Variants in RBM41 observed in about 807,000 individuals in gnomAD.
RBM41 encodes RNA binding motif protein 41.
Under a neutral mutation model 30.8 loss-of-function variants are expected in RBM41, and 14 were observed. The observed-to-expected ratio is 0.45, with a 90% CI of 0.30 to 0.71. RBM41 has a LOEUF of 0.71. Among genes scored for constraint, RBM41 ranks in the 30% least tolerant of loss-of-function variants. The pLI is 0.08. For synonymous variants in RBM41, 120 were observed against 110.1 expected, an observed-to-expected ratio of 1.09 and a Z score of -0.56; for missense variants, 276 against 326.3, an observed-to-expected ratio of 0.85 and a Z score of 1.19.
At position 107,092,179 on chromosome X, in the gene RBM41, A is replaced by G. The variant is rs190807029; in HGVS notation, c.596-3340T>C. Reference sequence around the variant, plus strand: ...TGTAAGTATTTCCTAAGACACAAAAAGCACTAACCATTAAGGAAAAGATTG... The same window carrying G: ...TGTAAGTATTTCCTAAGACACAAAAGGCACTAACCATTAAGGAAAAGATTG... On this transcript the variant is annotated intron_variant, in intron 5 of 7. Coordinates refer to ENST00000685964, the MANE Select transcript of RBM41 (RefSeq NM_001324242.2). Among the ~76,000 whole-genome samples, 27 of 110,861 alleles carry G rather than the reference A, an allele frequency of 2.4e-4. No homozygotes were observed. In the East Asian group the frequency reaches 7.6e-3, roughly 31 times the overall value.
chrX:107,078,918 C>T (rs142853441), intron 6 of RBM41, among the ~76,000 whole-genome samples: 13 of 110,096 alleles, frequency 1.2e-4, no homozygotes, highest in Middle Eastern at 4.8e-3. Flanking sequence ...TGTCAAAGAA[C>T]AATAAAATAA....
Position 107,067,530 on chromosome X carries a change from G to C in RBM41, c.1311C>G (p.Ser437Arg), listed in dbSNP as rs1188968531. ...ATGSTTEISG[S>R] ...GGACCCACAATTTATATATATTCTAGCTACCACTAATTTCTGTAGTGCTAC... is the reference window on the plus strand; with the variant it reads ...GGACCCACAATTTATATATATTCTACCTACCACTAATTTCTGTAGTGCTAC... The change falls in exon 8 of 8, where the codon AGC becomes AGG. Residue 437 changes from serine to arginine, a missense_variant. Transcript: ENST00000685964. 1.7e-6 allele frequency: 2 copies of C among 1,201,456 alleles called. No homozygotes were observed. Among genetic ancestry groups the C allele is most frequent in the Non-Finnish European group, 2.2e-6 (2 of 890,373 alleles).
At chrX:107,109,864 T>G (rs905925481) in intron 5 of RBM41, among the ~76,000 whole-genome samples, 4 of 111,465 alleles carry the variant, frequency 3.6e-5, no homozygotes, top group Non-Finnish European at 7.6e-5. Context: ...ATTGACTGTT[T>G]GGTAGAGTGT....
chrX:107,087,682 T>C (rs1180759344), intron 6 of RBM41, among the ~76,000 whole-genome samples: 1 of 112,571 alleles, frequency 8.9e-6, no homozygotes, highest in Non-Finnish European at 1.9e-5. Flanking sequence ...CTCGGCTCAC[T>C]GCAACCTCCG....
intron 6 of RBM41, among the ~76,000 whole-genome samples, chrX:107,083,195 A>G (rs1602568737): frequency 9.2e-6 from 1 of 108,527 alleles, no homozygotes; most frequent in Non-Finnish European, 1.9e-5. Context: ...TGCTGGATAA[A>G]TTATTCTAAG....
At chrX:107,060,260 A>G (rs1257537450), downstream of RBM41, among the ~76,000 whole-genome samples, 1 of 110,866 alleles carries the variant, frequency 9.0e-6, no homozygotes, top group Non-Finnish European at 1.9e-5. Flanking sequence ...AGTGAAAAAA[A>G]AAAAAGAAAA....
Position 107,116,737 on chromosome X carries a change from T to A in RBM41, c.38A>T (p.His13Leu). The change falls in exon 2 of 8, where the codon CAT becomes CTT. Residue 13 changes from histidine (H) to leucine (L), a missense_variant. Physicochemically the swap from His to Leu is moderately conservative, Grantham distance 99. Transcript: ENST00000685964. ...TTCTGTTTCCAGCTCCTCCAGGACA[T>A]GCTCATCACTCTTCACACAGCTGTT... ...RVNSCVKSDE[H>L]VLEELETEGE... is the part of the protein sequence containing the mutation. 8.3e-7 allele frequency: 1 copy of A among 1,211,015 alleles called. No individual in the cohort carries two copies. Among genetic ancestry groups the A allele is most frequent in the Non-Finnish European group, 1.1e-6 (1 of 895,371 alleles).
At chrX:107,108,376 T>G (rs1278554769) in intron 5 of RBM41, among the ~76,000 whole-genome samples, 9 of 111,307 alleles carry the variant, frequency 8.1e-5, no homozygotes, top group Non-Finnish European at 1.7e-4. Context: ...TGACTCCCAT[T>G]GAATAAAGTT....
intron 6 of RBM41, among the ~76,000 whole-genome samples, chrX:107,087,204 A>C (rs1042675903): frequency 1.8e-5 from 2 of 111,656 alleles, no homozygotes; most frequent in African/African-American, 6.5e-5. Flanking sequence ...ATGATTAATA[A>C]AGGTTGGCTG....
intron 6 of RBM41, among the ~76,000 whole-genome samples, chrX:107,073,172 C>T (rs1277092594): frequency 1.8e-5 from 2 of 111,620 alleles, no homozygotes; most frequent in Non-Finnish European, 3.8e-5. Flanking sequence ...ATCTTCTGCA[C>T]ATCAAAGGAA....
chrX:107,059,901 C>T (rs1051206648), downstream of RBM41, among the ~76,000 whole-genome samples: 1 of 111,510 alleles, frequency 9.0e-6, no homozygotes, highest in African/African-American at 3.3e-5. Context: ...GACAACTCAA[C>T]ATCTAGTGCC....
At chrX:107,095,457 G>A (rs1266379136) in intron 5 of RBM41, among the ~76,000 whole-genome samples, 2 of 109,428 alleles carry the variant, frequency 1.8e-5, no homozygotes, top group African/African-American at 6.7e-5. Context: ...TTGGCCAGGC[G>A]TGGTGGCACA....
At chrX:107,087,762 C>T (rs1405697847) in intron 6 of RBM41, among the ~76,000 whole-genome samples, 3 of 111,364 alleles carry the variant, frequency 2.7e-5, no homozygotes, top group Non-Finnish European at 5.7e-5. Flanking sequence ...CACCACCGCG[C>T]CCAGCTAATT....
Position 107,065,628 on chromosome X carries a change from G to GT in RBM41, c.*1898dup, listed in dbSNP as rs1175516605. 30 of 609,142 alleles carry GT rather than the reference G, an allele frequency of 4.9e-5. No individual in the cohort carries two copies. The highest frequency in any genetic ancestry group is 6.8e-5 in the Non-Finnish European group (29 of 425,507). The allele number at this position is 609,142 out of a possible 1,213,427, so 50.2% of individuals were successfully genotyped here. A position where few individuals can be genotyped will look rare whatever the true frequency, so the allele number is the denominator to read the frequency against. On this transcript the variant is annotated 3_prime_UTR_variant, in exon 8 of 8. Coordinates refer to ENST00000685964, the MANE Select transcript of RBM41 (RefSeq NM_001324242.2). ...GAAGCTGAGAGAAGAGTAAGTATATGTTTATAGTTTTTTTATATTAAACTT... is the reference window on the plus strand; with the variant it reads ...GAAGCTGAGAGAAGAGTAAGTATATGTTTTATAGTTTTTTTATATTAAACTT...
At chrX:107,107,865 C>G (rs972752978) in intron 5 of RBM41, among the ~76,000 whole-genome samples, 2 of 110,611 alleles carry the variant, frequency 1.8e-5, no homozygotes, top group Admixed American at 9.6e-5. Context: ...GAGAGTTATG[C>G]GAGCCAGAAG....
intron 5 of RBM41, among the ~76,000 whole-genome samples, chrX:107,102,701 T>C (rs1178624806): frequency 9.0e-6 from 1 of 111,167 alleles, no homozygotes; most frequent in Non-Finnish European, 1.9e-5. Context: ...GCCACAGACA[T>C]AGAGGCCAGA....
At chrX:107,093,688 G>C (rs1188317931) in intron 5 of RBM41, among the ~76,000 whole-genome samples, 1 of 111,115 alleles carries the variant, frequency 9.0e-6, no homozygotes, top group East Asian at 2.8e-4. Flanking sequence ...TAGGAAACTA[G>C]AAAAAGAGTC....
At chrX:107,085,967 T>C (rs753445364) in intron 6 of RBM41, among the ~76,000 whole-genome samples, 3 of 112,085 alleles carry the variant, frequency 2.7e-5, no homozygotes, top group African/African-American at 9.7e-5. Flanking sequence ...AGGATTCATA[T>C]GCAGAATTTT....
chrX:107,060,364 TAGG>T (rs1184064694), downstream of RBM41, among the ~76,000 whole-genome samples: 1 of 110,394 alleles, frequency 9.1e-6, no homozygotes, highest in Non-Finnish European at 1.9e-5. Context: ...GGTGGGTCTC[TAGG>T]AGATGATTAA....
Sources: allele counts gnomAD v4.1 joint callset (sites outside exome capture counted in the v4.1 genomes callset), GRCh38; gene constraint gnomAD v4.1.1; transcripts MANE v1.5; gene names NCBI Gene and HGNC (gene_info 2026-07-23, HGNC 2026-07-21).